The following PPFIA2 variants were observed in gnomAD, a reference collection of about 807,000 sequenced individuals.
The protein encoded by PPFIA2 is PPFI scaffold protein A2.
A neutral mutation model predicts 175.5 loss-of-function variants in PPFIA2; 46 were observed. The observed-to-expected ratio is 0.26, with a 90% CI of 0.21 to 0.34. PPFIA2 has a LOEUF of 0.34. Ranked by LOEUF, PPFIA2 falls within the 10% of genes least tolerant of loss-of-function variation. The pLI, the probability that PPFIA2 is intolerant of heterozygous loss-of-function variation, is 1.00. For missense variants in PPFIA2, 1,179 were observed against 1,506.1 expected, an observed-to-expected ratio of 0.78 and a Z score of 3.60; for synonymous variants, 568 against 511.4, an observed-to-expected ratio of 1.11 and a Z score of -1.49.
At chr12:81,275,542 A>C (rs2040288884) in intron 28 of PPFIA2, among the ~76,000 whole-genome samples, 1 of 152,170 alleles carries the variant, frequency 6.6e-6, no homozygotes, top group Admixed American at 6.5e-5. Context: ...AATATTGGAG[A>C]ATGTAATATA....
intron 5 of PPFIA2, among the ~76,000 whole-genome samples, chr12:81,454,090 G>A (rs543523385): frequency 1.3e-5 from 2 of 152,172 alleles, no homozygotes; most frequent in East Asian, 3.9e-4. Flanking sequence ...ATGGTGGCAT[G>A]TGGCTATAGT....
At chr12:81,498,694 G>A (rs756741796) in intron 4 of PPFIA2, among the ~76,000 whole-genome samples, 1 of 151,818 alleles carries the variant, frequency 6.6e-6, no homozygotes, top group Non-Finnish European at 1.5e-5. Context: ...GCGTGATCTC[G>A]GCTCACTGCA....
intron 22 of PPFIA2, among the ~76,000 whole-genome samples, chr12:81,305,786 T>C (rs896320492): frequency 1.3e-5 from 2 of 152,210 alleles, no homozygotes; most frequent in African/African-American, 4.8e-5. Flanking sequence ...TTTCCATAAA[T>C]AGCTATCCTA....
intron 30 of PPFIA2, among the ~76,000 whole-genome samples, chr12:81,266,141 G>A (rs1449836279): frequency 2.0e-5 from 3 of 152,128 alleles, no homozygotes; most frequent in Non-Finnish European, 4.4e-5. Flanking sequence ...ATTTGAATTT[G>A]CTGAGGTCTT....
At chr12:81,582,604 G>A (rs1384676139) in intron 4 of PPFIA2, among the ~76,000 whole-genome samples, 12 of 151,598 alleles carry the variant, frequency 7.9e-5, no homozygotes, top group Admixed American at 6.6e-4. Context: ...GTGCTCACAC[G>A]TCCTTCAATG....
At chr12:81,565,962 C>T (rs2071193963) in intron 4 of PPFIA2, among the ~76,000 whole-genome samples, 1 of 152,114 alleles carries the variant, frequency 6.6e-6, no homozygotes, top group African/African-American at 2.4e-5. Flanking sequence ...GTATTCAAAC[C>T]TGTCACATAT....
intron 4 of PPFIA2, among the ~76,000 whole-genome samples, chr12:81,519,693 T>G (rs1216246154): frequency 6.6e-6 from 1 of 152,198 alleles, no homozygotes; most frequent in East Asian, 1.9e-4. Flanking sequence ...TCCTAAAACC[T>G]TCACAGCATT....
rs536939614 is a variant in PPFIA2, at chr12:81,278,805, CATT to C, written c.3213-1394_3213-1392del. Reference sequence around the variant, plus strand: ...ATCTGTAGACTTCAAGAGTAAAGATCATTGATTATCAGTGATACTTTACATGTT... The same window carrying C: ...ATCTGTAGACTTCAAGAGTAAAGATCGATTATCAGTGATACTTTACATGTT... On this transcript the variant is annotated intron_variant, in intron 27 of 32. Transcript: ENST00000549396. Among the ~76,000 whole-genome samples the C allele has an allele frequency of 7.2e-5, 11 of 152,236 alleles. No homozygotes were observed. In the South Asian group the frequency reaches 2.3e-3, roughly 32 times the overall value.
chr12:81,302,224 A>T (rs1001820540), intron 22 of PPFIA2: 7 of 404,678 alleles, frequency 1.7e-5, no homozygotes, highest in Non-Finnish European at 2.9e-5. Context: ...TAAAGAACAA[A>T]TTTTTTTCTT....
intron 4 of PPFIA2, among the ~76,000 whole-genome samples, chr12:81,564,473 C>T (rs1269338030): frequency 6.6e-6 from 1 of 152,068 alleles, no homozygotes; most frequent in Non-Finnish European, 1.5e-5. Flanking sequence ...CAGTGAACTG[C>T]TATTAAGGAT....
chr12:81,478,981 T>G (rs372896826), intron 4 of PPFIA2, among the ~76,000 whole-genome samples: 1 of 152,176 alleles, frequency 6.6e-6, no homozygotes, highest in Admixed American at 6.5e-5. Context: ...TTATTAATTT[T>G]CTGTCTCATT....
intron 4 of PPFIA2, among the ~76,000 whole-genome samples, chr12:81,464,733 C>T (rs564149147): frequency 6.6e-6 from 1 of 152,138 alleles, no homozygotes; most frequent in Non-Finnish European, 1.5e-5. Context: ...GTCAACTTTC[C>T]TCTTGTTTTT....
chr12:81,619,745 T>C (rs1427730236), intron 4 of PPFIA2, among the ~76,000 whole-genome samples: 2 of 152,242 alleles, frequency 1.3e-5, no homozygotes, highest in East Asian at 3.9e-4. Flanking sequence ...ATGTAAGCTT[T>C]AGCTACTCAG....
At chr12:81,599,705 C>T (rs1002174521) in intron 4 of PPFIA2, among the ~76,000 whole-genome samples, 1 of 151,880 alleles carries the variant, frequency 6.6e-6, no homozygotes, top group Non-Finnish European at 1.5e-5. Context: ...TTAATGTGCT[C>T]TTTGTATTTT....
At chr12:81,393,055 T>C (rs567685420) in intron 8 of PPFIA2, among the ~76,000 whole-genome samples, 1 of 152,178 alleles carries the variant, frequency 6.6e-6, no homozygotes, top group South Asian at 2.1e-4. Flanking sequence ...TCTAACCTTG[T>C]TTCTTATTTT....
At chr12:81,711,536 C>T (rs1567963542) in intron 3 of PPFIA2, among the ~76,000 whole-genome samples, 1 of 151,168 alleles carries the variant, frequency 6.6e-6, no homozygotes, top group Non-Finnish European at 1.5e-5. Context: ...TTCATTGATC[C>T]CAGTATAATT....
chr12:81,729,303 T>C (rs1026804063), intron 3 of PPFIA2, among the ~76,000 whole-genome samples: 1 of 151,378 alleles, frequency 6.6e-6, no homozygotes, highest in Admixed American at 6.6e-5. Context: ...CACAGAAAAA[T>C]TTCATAAATG....
intron 4 of PPFIA2, among the ~76,000 whole-genome samples, chr12:81,503,685 C>A (rs1261719732): frequency 1.3e-5 from 2 of 151,690 alleles, no homozygotes; most frequent in African/African-American, 2.4e-5. Context: ...TTAATTATCT[C>A]TGGTCCCTAA....
chr12:81,516,919 T>A (rs1179043844), intron 4 of PPFIA2, among the ~76,000 whole-genome samples: 1 of 152,284 alleles, frequency 6.6e-6, no homozygotes, highest in African/African-American at 2.4e-5. Context: ...ACTTGTCATA[T>A]CACTTAGTGA....
Sources: allele counts gnomAD v4.1 joint callset (sites outside exome capture counted in the v4.1 genomes callset), GRCh38; gene constraint gnomAD v4.1.1; transcripts MANE v1.5; gene names NCBI Gene and HGNC (gene_info 2026-07-23, HGNC 2026-07-21).